TBC1D28: variants seen among roughly 807,000 people sequenced by gnomAD.
TBC1D28 encodes TBC1 domain family, member 28.
In TBC1D28, 20 loss-of-function variants were observed where a neutral mutation model predicts 29.2. The observed-to-expected ratio is 0.68, with a 90% confidence interval of 0.48 to 0.99. The LOEUF (loss-of-function observed/expected upper bound fraction) is 0.99. TBC1D28 is among the 50% of genes least tolerant of loss of function. TBC1D28 has a pLI of 0.00. For missense variants in TBC1D28, 205 were observed against 243.7 expected (o/e 0.84, Z 1.06); for synonymous variants, 65 against 90.9 (o/e 0.71, Z 1.62).
Position 18,639,161 on chromosome 17 carries a change from G to A in TBC1D28, c.198+14C>T. On this transcript the variant is annotated intron_variant, in intron 5 of 8. Coordinates refer to ENST00000345096, the Ensembl canonical transcript of TBC1D28. Reference sequence around the variant, plus strand: ...CCTGAAGCAGCCTCCCACGCAGCAGGCACAGGCTCTTACCTTCACCTCCAG... The same window carrying A: ...CCTGAAGCAGCCTCCCACGCAGCAGACACAGGCTCTTACCTTCACCTCCAG... The A allele has an allele frequency of 3.1e-6, 5 of 1,610,526 alleles. No homozygotes were observed. Among genetic ancestry groups the A allele is most frequent in the South Asian group, 1.1e-5 (1 of 90,742 alleles).
downstream of TBC1D28, among the ~76,000 whole-genome samples, chr17:18,634,416 AGTT>A (rs1250236723): frequency 6.6e-6 from 1 of 151,876 alleles, no homozygotes; most frequent in Non-Finnish European, 1.5e-5. Context: ...AAAGCACAAA[AGTT>A]GTTAGGCTGA....
At position 18,637,862 on chromosome 17, in the gene TBC1D28, A is replaced by G. The variant is rs775505542; in HGVS notation, c.497+2T>C. 8.7e-6 allele frequency: 14 copies of G among 1,613,654 alleles called. No individual in the cohort carries two copies. The South Asian group carries it at 1.4e-4, about 16-fold the overall frequency. Reference sequence around the variant, plus strand: ...GACCCCTGCAAGCCCCATTGGCCTTACTTGACTCCGAATCTTTGTATGAAC... The same window carrying G: ...GACCCCTGCAAGCCCCATTGGCCTTGCTTGACTCCGAATCTTTGTATGAAC... On this transcript the variant is annotated splice_donor_variant, in intron 8 of 8. Transcript: ENST00000345096. LOFTEE classifies it high-confidence loss of function.
exon 9 of TBC1D28, chr17:18,636,207 C>T (rs2031488992): frequency 7.9e-7 from 1 of 1,259,512 alleles, no homozygotes; most frequent in Non-Finnish European, 1.0e-6. Flanking sequence ...AGGATGCAAA[C>T]TCATTTCATG....
chr17:18,634,816 GCCTCAGCC>G (rs1392533127), downstream of TBC1D28, among the ~76,000 whole-genome samples: 1 of 94,780 alleles, frequency 1.1e-5, no homozygotes, highest in East Asian at 2.9e-4. Flanking sequence ...CCCCTCAGCC[GCCTCAGCC>G]CCTCAGCCCC....
rs761259626 is a variant in TBC1D28, at chr17:18,638,607, C to G, written c.279+14G>C. ...CAGAGAGCAGTCACGGGGGCCGCTT[C>G]CTCCCCATGTTACCTTCTTGGTGCT... On this transcript the variant is annotated intron_variant, in intron 6 of 8. Transcript: ENST00000345096. The G allele has an allele frequency of 9.9e-6, 16 of 1,614,090 alleles. No individual in the cohort carries two copies. The African/African-American group carries it at 1.5e-4, about 15-fold the overall frequency.
exon 9 of TBC1D28, chr17:18,636,436 C>T (rs769595278): frequency 9.9e-6 from 16 of 1,611,494 alleles, no homozygotes; most frequent in Admixed American, 3.4e-5. Context: ...CTGCCTACTA[C>T]GTCCTGGTGG....
chr17:18,643,684 G>C (rs1406481618), upstream of TBC1D28, among the ~76,000 whole-genome samples: 1 of 151,724 alleles, frequency 6.6e-6, no homozygotes, highest in Non-Finnish European at 1.5e-5. Flanking sequence ...GGTCCCCACT[G>C]TCCAAGTCCT....
At chr17:18,641,646 C>T (rs1168690239) in exon 2 of TBC1D28, 2 of 469,636 alleles carry the variant, frequency 4.3e-6, no homozygotes, top group Non-Finnish European at 7.6e-6. Context: ...CCTGGCAGGA[C>T]AAACGGCGTC....
At chr17:18,639,152 A>C (rs765287582) in intron 5 of TBC1D28, 23 bp downstream of exon 6, 19 of 1,608,246 alleles carry the variant, frequency 1.2e-5, no homozygotes, top group Non-Finnish European at 1.4e-5. Context: ...GCAGCCTCCC[A>C]CGCAGCAGGC....
chr17:18,636,012 C>A, exon 9 of TBC1D28: 1 of 995,626 alleles, frequency 1.0e-6, no homozygotes, highest in Non-Finnish European at 1.2e-6. Context: ...TGGCTGGGTC[C>A]TCCATGTGGG....
intron 8 of TBC1D28, 151 bp downstream of exon 9, chr17:18,637,713 G>T: frequency 7.5e-7 from 1 of 1,333,686 alleles, no homozygotes. Flanking sequence ...GAGGTGCTCA[G>T]TCCATGGTGC....
Position 18,641,809 on chromosome 17 carries a change from T to C in TBC1D28, c.-104+19A>G. 1 of 190,120 alleles carries C rather than the reference T, an allele frequency of 5.3e-6. No homozygotes were observed. Among genetic ancestry groups the C allele is most frequent in the Non-Finnish European group, 1.1e-5 (1 of 90,984 alleles). The allele number at this position is 190,120 out of a possible 1,614,324, so 11.8% of individuals were successfully genotyped here. A position where few individuals can be genotyped will look rare whatever the true frequency, so the allele number is the denominator to read the frequency against. ...AAGACATCTGGTGACTGCTCCGTTC[T>C]ACCCCAATTCTCACTCACTCTGGCC... is the stretch of plus-strand genomic sequence containing the variant. On this transcript the variant is annotated intron_variant, in intron 1 of 8. Transcript: ENST00000345096.
chr17:18,636,156 T>C (rs1256138967), exon 9 of TBC1D28: 45 of 1,171,976 alleles, frequency 3.8e-5, no homozygotes, highest in Non-Finnish European at 4.8e-5. Flanking sequence ...AAAGGGGAAA[T>C]TGGATCCTTG....
chr17:18,643,921 A>G (rs192111289), upstream of TBC1D28, among the ~76,000 whole-genome samples: 505 of 152,282 alleles, frequency 3.3e-3, 4 homozygotes, highest in South Asian at 0.014. Flanking sequence ...CACCCATAGG[A>G]GTTCCATCCC....
exon 4 of TBC1D28, chr17:18,641,073 C>G: frequency 1.5e-6 from 1 of 657,864 alleles, no homozygotes; most frequent in Non-Finnish European, 2.5e-6. Context: ...CTGCTCATGC[C>G]CCAAGTCCAC....
intron 3 of TBC1D28, 70 bp downstream of exon 4, chr17:18,641,208 G>A: frequency 6.8e-7 from 1 of 1,465,742 alleles, no homozygotes; most frequent in South Asian, 1.3e-5. Flanking sequence ...GGAAGCCCAG[G>A]ACCCTGTGAC....
At chr17:18,638,393 G>A in exon 7 of TBC1D28, 1 of 1,614,156 alleles carries the variant, frequency 6.2e-7, no homozygotes. Flanking sequence ...ACCGCCAGGG[G>A]AATGACTTTG....
exon 1 of TBC1D28, chr17:18,642,179 C>A (rs138003172): frequency 6.6e-6 from 1 of 152,150 alleles, no homozygotes; most frequent in Admixed American, 6.5e-5. Context: ...CCAGGAGAGA[C>A]GATTGTCACC....
At chr17:18,636,460 T>A in exon 9 of TBC1D28, 1 of 1,611,780 alleles carries the variant, frequency 6.2e-7, no homozygotes, top group Non-Finnish European at 8.5e-7. Context: ...AACGCTGAAT[T>A]TTCAAGAAGT....
Sources: allele counts gnomAD v4.1 joint callset (sites outside exome capture counted in the v4.1 genomes callset), GRCh38; gene constraint gnomAD v4.1.1; transcripts MANE v1.5; gene names NCBI Gene and HGNC (gene_info 2026-07-23, HGNC 2026-07-21).